PIP4K2A: variants seen among roughly 807,000 people sequenced by gnomAD.
PIP4K2A encodes the protein phosphatidylinositol 5-phosphate 4-kinase type-2 alpha.
PIP4K2A carries 14 observed loss-of-function variants against 42.9 expected under a neutral mutation model. That is an observed-to-expected ratio of 0.33 (90% CI 0.22 to 0.51). The LOEUF is 0.51. Among genes scored for constraint, PIP4K2A ranks in the 20% least tolerant of loss-of-function variants. The pLI, the probability that PIP4K2A is intolerant of heterozygous loss-of-function variation, is 0.97. For missense variants in PIP4K2A, 434 were observed against 519.8 expected, an observed-to-expected ratio of 0.83 and a Z score of 1.61; for synonymous variants, 192 against 192.2, an observed-to-expected ratio of 1.00 and a Z score of 0.01.
chr10:22,691,544 T>C (rs1266059225), intron 1 of PIP4K2A: 1 of 152,194 alleles, frequency 6.6e-6, no homozygotes, highest in East Asian at 1.9e-4. Context: ...TATCATAAAA[T>C]CTAAGTCCTC....
intron 1 of PIP4K2A, among the ~76,000 whole-genome samples, chr10:22,650,020 G>A (rs971507042): frequency 6.6e-6 from 1 of 152,252 alleles, no homozygotes; most frequent in Admixed American, 6.5e-5. Context: ...ACTCCTTGGG[G>A]ACAGGGACTG....
At chr10:22,685,118 GA>G (rs1416808098) in intron 1 of PIP4K2A, among the ~76,000 whole-genome samples, 3 of 152,080 alleles carry the variant, frequency 2.0e-5, no homozygotes, top group Non-Finnish European at 4.4e-5. Flanking sequence ...CTTTGATTCT[GA>G]AAATGGTTCT....
At chr10:22,602,712 C>G (rs1437922446) in intron 3 of PIP4K2A, among the ~76,000 whole-genome samples, 1 of 152,050 alleles carries the variant, frequency 6.6e-6, no homozygotes, top group African/African-American at 2.4e-5. Context: ...TTCTTATTTA[C>G]TTATTTATTT....
intron 1 of PIP4K2A, among the ~76,000 whole-genome samples, chr10:22,621,939 G>A (rs900431894): frequency 2.0e-5 from 3 of 152,190 alleles, no homozygotes; most frequent in East Asian, 3.9e-4. Flanking sequence ...CATCCTGAAA[G>A]AACAATGAGA....
At chr10:22,549,072 A>T (rs1836329571) in intron 7 of PIP4K2A, among the ~76,000 whole-genome samples, 1 of 152,196 alleles carries the variant, frequency 6.6e-6, no homozygotes, top group Non-Finnish European at 1.5e-5. Flanking sequence ...AAGAAAGTAG[A>T]TACTTACACC....
intron 1 of PIP4K2A, among the ~76,000 whole-genome samples, chr10:22,647,312 GTGTGTGTGTGTA>G (rs978862341): frequency 2.2e-4 from 30 of 138,368 alleles, no homozygotes; most frequent in Non-Finnish European, 3.3e-4. Context: ...TAAATACTGT[GTGTGTGTGTGTA>G]TGTGTGTGTG....
At chr10:22,707,980 G>T (rs1452228551) in intron 1 of PIP4K2A, among the ~76,000 whole-genome samples, 4 of 152,124 alleles carry the variant, frequency 2.6e-5, no homozygotes, top group African/African-American at 9.7e-5. Context: ...AAAAAGAAAA[G>T]AAATGAGGAT....
chr10:22,632,653 T>A (rs913578474), intron 1 of PIP4K2A, among the ~76,000 whole-genome samples: 3 of 152,216 alleles, frequency 2.0e-5, no homozygotes, highest in African/African-American at 7.2e-5. Context: ...CACACTCATA[T>A]CCCTGGCACC....
Position 22,567,836 on chromosome 10 carries a change from C to CAG in PIP4K2A, c.678+13_678+14dup, listed in dbSNP as rs1564424088. 6.2e-7 allele frequency: 1 copy of CAG among 1,607,840 alleles called. No individual in the cohort carries two copies. The highest frequency in any genetic ancestry group is 8.5e-7 in the Non-Finnish European group (1 of 1,174,262). On this transcript the variant is annotated intron_variant, in intron 6 of 9. Transcript: ENST00000376573. ...TGCCCCCAGGACATGGGGAGACATA[C>CAG]AGCAAGGTACTTACCTTTTCTTTGT...
intron 4 of PIP4K2A, among the ~76,000 whole-genome samples, chr10:22,590,099 A>G (rs559444210): frequency 6.6e-6 from 1 of 152,294 alleles, no homozygotes; most frequent in East Asian, 1.9e-4. Flanking sequence ...CCCTGCCAAC[A>G]CACGTGAGGC....
At chr10:22,613,829 G>C (rs1433823372) in intron 1 of PIP4K2A, among the ~76,000 whole-genome samples, 1 of 152,176 alleles carries the variant, frequency 6.6e-6, no homozygotes, top group Non-Finnish European at 1.5e-5. Context: ...CTTCAGGATG[G>C]AGGGTGTTTG....
intron 1 of PIP4K2A, among the ~76,000 whole-genome samples, chr10:22,664,069 ATATATACG>A (rs1285138988): frequency 8.1e-5 from 7 of 86,876 alleles, no homozygotes; most frequent in African/African-American, 5.3e-4. Flanking sequence ...ATACATATAT[ATATATACG>A]TATATATATA....
chr10:22,553,058 CTACCTCA>C (rs1203960219), intron 6 of PIP4K2A, among the ~76,000 whole-genome samples: 3 of 152,086 alleles, frequency 2.0e-5, no homozygotes, highest in Non-Finnish European at 2.9e-5. Flanking sequence ...AAGTATAATC[CTACCTCA>C]TAAAACTCTG....
intron 7 of PIP4K2A, among the ~76,000 whole-genome samples, chr10:22,548,839 A>G (rs1168234906): frequency 2.0e-5 from 3 of 151,748 alleles, no homozygotes; most frequent in Admixed American, 6.6e-5. Flanking sequence ...TGAGGCCAGG[A>G]GTTCAAGACC....
intron 5 of PIP4K2A, among the ~76,000 whole-genome samples, chr10:22,570,336 A>G (rs913905690): frequency 6.6e-6 from 1 of 152,262 alleles, no homozygotes; most frequent in African/African-American, 2.4e-5. Flanking sequence ...TCATAAAAGA[A>G]CAACATGTGA....
In PIP4K2A at chr10:22,694,908, T is replaced by C. The variant is rs1372662067; in HGVS notation, c.144+19275A>G. Among the ~76,000 whole-genome samples the C allele has an allele frequency of 3.9e-5, 6 of 152,152 alleles. 1 individual carries two copies. The highest frequency in any genetic ancestry group is 1.4e-4 in the African/African-American group (6 of 41,426). ...TTACTGCTATCCACAAAAATGGAAA[T>C]TTACCAGAAAAATTTTTATCTAACT... On this transcript the variant is annotated intron_variant, in intron 1 of 9. Coordinates refer to ENST00000376573, the MANE Select transcript of PIP4K2A (RefSeq NM_005028.5).
intron 4 of PIP4K2A, among the ~76,000 whole-genome samples, chr10:22,589,533 G>C (rs1333524987): frequency 6.6e-6 from 1 of 152,212 alleles, no homozygotes; most frequent in Non-Finnish European, 1.5e-5. Context: ...GCAGTACCAA[G>C]TTTCAAGAAA....
chr10:22,541,913 C>T lies in PIP4K2A; in HGVS notation c.927G>A (p.Pro309=), dbSNP rs61731109. Residue 309 remains proline, a synonymous_variant, in exon 8 of 10, where the codon CCG becomes CCA. Coordinates refer to ENST00000376573, the MANE Select transcript of PIP4K2A (RefSeq NM_005028.5). ...EEEGESDGTH[P]VGTPPDSPGN... Reference sequence around the variant, plus strand: ...CGGGGCTATCTGGGGGGGTTCCCACCGGGTGGGTGCCATCGCTCTCGCCCT... The same window carrying T: ...CGGGGCTATCTGGGGGGGTTCCCACTGGGTGGGTGCCATCGCTCTCGCCCT... 0.012 allele frequency: 19,181 copies of T among 1,613,864 alleles called. 241 individuals carry two copies. The highest frequency in any genetic ancestry group is 0.05 in the Middle Eastern group (304 of 6,062).
chr10:22,599,014 C>CA (rs1237650131), intron 3 of PIP4K2A, among the ~76,000 whole-genome samples: 135 of 147,166 alleles, frequency 9.2e-4, no homozygotes, highest in African/African-American at 1.5e-3. Context: ...TAACCCATCC[C>CA]AAAAAAACAA....
Sources: allele counts gnomAD v4.1 joint callset (sites outside exome capture counted in the v4.1 genomes callset), GRCh38; gene constraint gnomAD v4.1.1; transcripts MANE v1.5; gene names NCBI Gene and HGNC (gene_info 2026-07-23, HGNC 2026-07-21).